The following DNM3 variants were observed in gnomAD, a reference collection of about 807,000 sequenced individuals.
DNM3 encodes dynamin-3.
DNM3 carries 47 observed loss-of-function variants against 101.6 expected under a neutral mutation model. The ratio of observed to expected loss-of-function variants is 0.46; its 90% CI spans 0.37 to 0.59. DNM3 has a LOEUF of 0.59. Among genes scored for constraint, DNM3 ranks in the 20% least tolerant of loss-of-function variants. The pLI is 0.00. For missense variants in DNM3, 849 were observed against 1,085.7 expected (o/e 0.78, Z 3.06); for synonymous variants, 385 against 387.9 (o/e 0.99, Z 0.09).
chr1:171,914,235 G>A (rs1472361568), intron 1 of DNM3, among the ~76,000 whole-genome samples: 7 of 151,958 alleles, frequency 4.6e-5, no homozygotes, highest in East Asian at 1.9e-4. Flanking sequence ...GCGGCTCACC[G>A]CAACCTCCGC....
chr1:172,085,624 C>A (rs2053477326), intron 12 of DNM3, among the ~76,000 whole-genome samples: 1 of 152,140 alleles, frequency 6.6e-6, no homozygotes, highest in South Asian at 2.1e-4. Flanking sequence ...TGTTTTCTCA[C>A]AGTTGAAATG....
intron 16 of DNM3, among the ~76,000 whole-genome samples, chr1:172,312,675 C>G (rs1050870898): frequency 6.6e-6 from 1 of 152,094 alleles, no homozygotes; most frequent in African/African-American, 2.4e-5. Flanking sequence ...TTCCTCCCTT[C>G]TTTCTTTCCC....
At chr1:172,082,583 A>G (rs1224874100) in intron 12 of DNM3, among the ~76,000 whole-genome samples, 2 of 152,150 alleles carry the variant, frequency 1.3e-5, no homozygotes, top group South Asian at 2.1e-4. Flanking sequence ...ATATTTTTGC[A>G]TTTAAGTGGT....
chr1:171,959,062 T>C (rs1024149354), intron 2 of DNM3, among the ~76,000 whole-genome samples: 2 of 152,074 alleles, frequency 1.3e-5, no homozygotes, highest in South Asian at 4.2e-4. Context: ...ATGTGTTGGT[T>C]AGAGATGCAC....
intron 1 of DNM3, among the ~76,000 whole-genome samples, chr1:171,908,018 G>T (rs1455019365): frequency 6.6e-6 from 1 of 152,044 alleles, no homozygotes; most frequent in East Asian, 1.9e-4. Flanking sequence ...TTGTGACCTC[G>T]TGTATCTATA....
At chr1:172,294,346 G>A (rs1396441981) in intron 15 of DNM3, among the ~76,000 whole-genome samples, 2 of 147,836 alleles carry the variant, frequency 1.4e-5, no homozygotes, top group Non-Finnish European at 2.9e-5. Context: ...AATGAAAAAG[G>A]TGGTTTAAAA....
chr1:172,080,101 C>T (rs2053016085), intron 11 of DNM3, among the ~76,000 whole-genome samples: 1 of 152,198 alleles, frequency 6.6e-6, no homozygotes, highest in South Asian at 2.1e-4. Context: ...GCACGGAAGT[C>T]AGGGACCCAC....
At chr1:172,401,487 A>C (rs976137147) in intron 20 of DNM3, among the ~76,000 whole-genome samples, 7 of 152,240 alleles carry the variant, frequency 4.6e-5, no homozygotes, top group African/African-American at 1.7e-4. Context: ...TGTATCATCA[A>C]AAAATTGTGA....
At chr1:172,030,000 C>A (rs2048487495) in intron 4 of DNM3, among the ~76,000 whole-genome samples, 1 of 152,130 alleles carries the variant, frequency 6.6e-6, no homozygotes, top group African/African-American at 2.4e-5. Context: ...TTTATAGATT[C>A]AGTGCTACCT....
intron 4 of DNM3, among the ~76,000 whole-genome samples, chr1:172,021,055 A>T (rs4399191): frequency 0.27 from 41,409 of 152,104 alleles, 6,478 homozygotes; most frequent in East Asian, 0.45. Flanking sequence ...ATTTCACTTC[A>T]CTGACAGATC....
At chr1:172,048,897 T>C in intron 10 of DNM3, 147 bp downstream of exon 10, 1 of 963,308 alleles carries the variant, frequency 1.0e-6, no homozygotes, top group Non-Finnish European at 1.5e-6. Flanking sequence ...AAGTACTGAG[T>C]GGGAATTGCT....
At chr1:172,275,974 A>T (rs984122264) in intron 15 of DNM3, among the ~76,000 whole-genome samples, 2 of 152,138 alleles carry the variant, frequency 1.3e-5, no homozygotes, top group Admixed American at 6.6e-5. Context: ...TCAGAAAAAG[A>T]TATCAGCATA....
intron 2 of DNM3, among the ~76,000 whole-genome samples, chr1:171,952,827 G>A (rs947207453): frequency 6.6e-6 from 1 of 152,038 alleles, no homozygotes; most frequent in African/African-American, 2.4e-5. Flanking sequence ...TTCTATGACT[G>A]GGACAGGTAG....
intron 17 of DNM3, among the ~76,000 whole-genome samples, chr1:172,358,088 C>T (rs1433335519): frequency 6.6e-6 from 1 of 151,942 alleles, no homozygotes; most frequent in Non-Finnish European, 1.5e-5. Flanking sequence ...CATCCCAGAC[C>T]GCTTTTAATC....
intron 15 of DNM3, among the ~76,000 whole-genome samples, chr1:172,271,961 ACT>A (rs962605220): frequency 6.6e-6 from 1 of 152,056 alleles, no homozygotes; most frequent in African/African-American, 2.4e-5. Flanking sequence ...GTTTTCCAAA[ACT>A]CTAACACAAA....
chr1:172,406,595 A>G (rs2070904106), intron 20 of DNM3, among the ~76,000 whole-genome samples: 1 of 152,052 alleles, frequency 6.6e-6, no homozygotes, highest in African/African-American at 2.4e-5. Context: ...TATTTTCACC[A>G]TTAATCAACA....
At chr1:172,229,481 A>G (rs2061253841) in intron 14 of DNM3, among the ~76,000 whole-genome samples, 1 of 152,206 alleles carries the variant, frequency 6.6e-6, no homozygotes, top group African/African-American at 2.4e-5. Context: ...AGACAGACAC[A>G]TGCCCAGCTA....
intron 14 of DNM3, among the ~76,000 whole-genome samples, chr1:172,167,381 C>T (rs375997846): frequency 6.6e-6 from 1 of 152,008 alleles, no homozygotes; most frequent in Non-Finnish European, 1.5e-5. Context: ...CATAAACATA[C>T]GTGTGCATGT....
chr1:172,131,096 A>T, intron 13 of DNM3, 79 bp from the exon 14 acceptor site: 1 of 1,211,886 alleles, frequency 8.3e-7, no homozygotes. Flanking sequence ...TCTTGTTTTT[A>T]ACTTCTTAGT....
Sources: gnomAD v4.1 joint callset for allele counts (sites outside exome capture counted in the v4.1 genomes callset) on GRCh38, gnomAD v4.1.1 for gene constraint, MANE v1.5 for transcripts, NCBI Gene and HGNC (gene_info 2026-07-23, HGNC 2026-07-21) for gene names.